The following DCUN1D3 variants were observed in gnomAD, a reference collection of about 807,000 sequenced individuals.
DCUN1D3 encodes the protein defective in cullin neddylation 1 domain containing 3.
A neutral mutation model predicts 24.8 loss-of-function variants in DCUN1D3; 6 were observed. The observed-to-expected ratio is 0.24, with a 90% CI of 0.13 to 0.48. DCUN1D3 has a LOEUF of 0.48. Among genes scored for constraint, DCUN1D3 ranks in the 20% least tolerant of loss-of-function variants. The pLI is 0.99. For synonymous variants in DCUN1D3, 120 were observed against 144.9 expected, an observed-to-expected ratio of 0.83 and a Z score of 1.24; for missense variants, 258 against 379.4, an observed-to-expected ratio of 0.68 and a Z score of 2.66.
In DCUN1D3 at chr16:20,855,873, G is replaced by A. The variant is rs939421464; in HGVS notation, c.*4013C>T. 4.6e-5 allele frequency: 7 copies of A among 152,274 alleles called. No individual in the cohort carries two copies. Among genetic ancestry groups the A allele is most frequent in the East Asian group, 3.9e-4 (2 of 5,176 alleles). The allele number at this position is 152,274 out of a possible 1,614,324, so 9.4% of individuals were successfully genotyped here. On this transcript the variant is annotated 3_prime_UTR_variant, in exon 3 of 3. Transcript: ENST00000324344. The stretch of plus-strand genomic sequence containing the variant: ...AACAACCTTAATAGTCCTTTCAGTC[G>A]TTTAAACAAGATACTGCTGGAGTCC...
Position 20,862,290 on chromosome 16 carries a change from G to C in DCUN1D3, c.249C>G (p.Ala83=). The part of the protein sequence containing the change: ...GDAGRESKSN[A]EESSLQRLEE... ...CCAATCTTTGCAAGGAAGACTCCTC[G>C]GCATTGGACTTGGACTCCCTCCCAG... is the stretch of plus-strand genomic sequence containing the variant. Residue 83 remains alanine (A), a synonymous_variant, in exon 2 of 3, where the codon GCC becomes GCG. Transcript: ENST00000324344. 6.2e-7 allele frequency: 1 copy of C among 1,614,170 alleles called. No individual in the cohort carries two copies. The highest frequency in any genetic ancestry group is 8.5e-7 in the Non-Finnish European group (1 of 1,180,026).
intron 1 of DCUN1D3, among the ~76,000 whole-genome samples, chr16:20,884,942 G>A (rs2081861539): frequency 1.3e-5 from 2 of 149,578 alleles, no homozygotes; most frequent in South Asian, 4.2e-4. Context: ...TAAATTAGGA[G>A]AATAATGTTG....
chr16:20,890,326 G>A (rs2081886623), intron 1 of DCUN1D3, among the ~76,000 whole-genome samples: 2 of 152,084 alleles, frequency 1.3e-5, no homozygotes, highest in Admixed American at 1.3e-4. Context: ...TTGAGGTAAT[G>A]CGTAAGTAAT....
At position 20,867,813 on chromosome 16, in the gene DCUN1D3, C is replaced by T. The variant is rs548974484; in HGVS notation, c.-105-5170G>A. On this transcript the variant is annotated intron_variant, in intron 1 of 2. Transcript: ENST00000324344. ...CTGGCCAGGACTTCCTATCCCTGCA[C>T]TGAGTCACTGGCCCAGGGCTTGTTC... 3.2e-4 allele frequency among the ~76,000 whole-genome samples: 49 copies of T among 152,214 alleles called. 1 individual carries two copies. The highest frequency in any genetic ancestry group is 1.5e-3 in the Admixed American group (23 of 15,286).
rs762135205 is a variant in DCUN1D3, at chr16:20,862,395, A to G, written c.144T>C (p.Gly48=). The change falls in exon 2 of 3, where the codon GGT becomes GGC. Residue 48 remains glycine (G), a synonymous_variant. Coordinates refer to ENST00000324344, the MANE Select transcript of DCUN1D3 (RefSeq NM_173475.4). ...EEQVPPCGKP[G]GDILVNGTKK... The stretch of plus-strand genomic sequence containing the variant: ...TGGTCCCGTTGACGAGGATATCTCC[A>G]CCTGGCTTGCCACAGGGTGGTACCT... 1 of 1,613,654 alleles carries G rather than the reference A, an allele frequency of 6.2e-7. No individual in the cohort carries two copies. Among genetic ancestry groups the G allele is most frequent in the South Asian group, 1.1e-5 (1 of 90,998 alleles).
At chr16:20,894,340 C>T (rs538485290) in intron 1 of DCUN1D3, among the ~76,000 whole-genome samples, 4 of 152,092 alleles carry the variant, frequency 2.6e-5, no homozygotes, top group Non-Finnish European at 4.4e-5. Context: ...TCTCTTGGCC[C>T]AACAGGCAGA....
At chr16:20,867,025 A>T (rs149192359) in intron 1 of DCUN1D3, among the ~76,000 whole-genome samples, 96 of 152,368 alleles carry the variant, frequency 6.3e-4, no homozygotes, top group African/African-American at 2.0e-3. Flanking sequence ...GCTAACAGCT[A>T]ATAATAGCAG....
chr16:20,869,409 G>A (rs914072708), intron 1 of DCUN1D3, among the ~76,000 whole-genome samples: 1 of 152,192 alleles, frequency 6.6e-6, no homozygotes, highest in Admixed American at 6.5e-5. Context: ...GGAGCCTGGG[G>A]CTACATGCTT....
In DCUN1D3 at chr16:20,863,181, T is replaced by C. The variant is rs1419459063; in HGVS notation, c.-105-538A>G. ...CAGGGGCCTAAGCCAAGCAGCAAAA[T>C]GAAATTTGCCTCTGATCTCTCCAGA... On this transcript the variant is annotated intron_variant, in intron 1 of 2. Coordinates refer to ENST00000324344, the MANE Select transcript of DCUN1D3 (RefSeq NM_173475.4). Among the ~76,000 whole-genome samples the C allele has an allele frequency of 2.0e-5, 3 of 152,130 alleles. No homozygotes were observed. The East Asian group carries it at 5.8e-4, about 29-fold the overall frequency.
In DCUN1D3 at chr16:20,860,306, C is replaced by A. The variant is rs778304055; in HGVS notation, c.495G>T (p.Arg165=). 1 of 1,614,172 alleles carries A rather than the reference C, an allele frequency of 6.2e-7. No homozygotes were observed. Among genetic ancestry groups the A allele is most frequent in the Admixed American group, 1.7e-5 (1 of 60,024 alleles). ...SADSIDGICA[R]FPSLLTEAKQ... ...TGGCTTCTGTTAAGAGGCTAGGGAA[C>A]CGTGCACAGATTCCGTCAATGCTGT... The change falls in exon 3 of 3, where the codon CGG becomes CGT. Residue 165 remains arginine, a synonymous_variant. Coordinates refer to ENST00000324344, the MANE Select transcript of DCUN1D3 (RefSeq NM_173475.4). This position sits in a 1 kb window ranked among gnomAD's most constrained non-coding sequence, Gnocchi z 4.3.
chr16:20,892,418 G>T (rs2081896342), intron 1 of DCUN1D3, among the ~76,000 whole-genome samples: 1 of 152,062 alleles, frequency 6.6e-6, no homozygotes, highest in Non-Finnish European at 1.5e-5. Context: ...TAGAGTCCCG[G>T]CACCTTCACT....
In DCUN1D3 at chr16:20,862,036, T is replaced by C. The variant is rs1488096799; in HGVS notation, c.431+72A>G. 7.8e-6 allele frequency: 12 copies of C among 1,536,346 alleles called. No homozygotes were observed. In the East Asian group the frequency reaches 2.7e-4, roughly 35 times the overall value. ...GAAGCCAACCCAGTCCTATCCTAGC[T>C]GGGCACCACTGCCCAATGCTGTTCC... is the stretch of plus-strand genomic sequence containing the variant. On this transcript the variant is annotated intron_variant, in intron 2 of 2. Coordinates refer to ENST00000324344, the MANE Select transcript of DCUN1D3 (RefSeq NM_173475.4).
chr16:20,897,737 G>A (rs987244948), intron 1 of DCUN1D3, among the ~76,000 whole-genome samples: 4 of 152,082 alleles, frequency 2.6e-5, no homozygotes, highest in Non-Finnish European at 4.4e-5. Flanking sequence ...TAAAGAAAGA[G>A]GTGTGTCCTC....
rs748999553 is a variant in DCUN1D3 at position 20,856,154 on chromosome 16, T to TA, written c.*3731dup. 6.6e-6 allele frequency: 1 copy of TA among 152,194 alleles called. No homozygotes were observed. Among genetic ancestry groups the TA allele is most frequent in the South Asian group, 2.1e-4 (1 of 4,824 alleles). 9.4% of individuals were successfully genotyped at this position (152,194 alleles called of 1,614,324 possible). ...TGGAATCTGGCAAACCAAACATTCT[T>TA]AAATACATAGGTTGGTGTAAAAGTA... On this transcript the variant is annotated 3_prime_UTR_variant, in exon 3 of 3. Coordinates refer to ENST00000324344, the MANE Select transcript of DCUN1D3 (RefSeq NM_173475.4).
At chr16:20,896,256 T>C (rs1443807162) in intron 1 of DCUN1D3, 1 of 152,188 alleles carries the variant, frequency 6.6e-6, no homozygotes, top group Non-Finnish European at 1.5e-5. Flanking sequence ...ACCAAAACAG[T>C]AGCAAAATCT....
At chr16:20,874,306 C>T (rs749908061) in intron 1 of DCUN1D3, among the ~76,000 whole-genome samples, 3 of 152,198 alleles carry the variant, frequency 2.0e-5, no homozygotes, top group Non-Finnish European at 4.4e-5. Flanking sequence ...ATTATAACTA[C>T]GTGGACCAGT....
intron 1 of DCUN1D3, among the ~76,000 whole-genome samples, chr16:20,872,749 T>A (rs543305379): frequency 1.3e-5 from 2 of 152,264 alleles, no homozygotes; most frequent in East Asian, 3.9e-4. Flanking sequence ...AAAAAGCCAA[T>A]CACTAATTTC....
intron 1 of DCUN1D3, among the ~76,000 whole-genome samples, chr16:20,882,870 C>T (rs1250234896): frequency 6.6e-6 from 1 of 152,146 alleles, no homozygotes; most frequent in African/African-American, 2.4e-5. Flanking sequence ...TTCAGAAGTA[C>T]CCTATGAATG....
intron 1 of DCUN1D3, among the ~76,000 whole-genome samples, chr16:20,870,370 GA>G (rs1309379079): frequency 1.3e-5 from 2 of 152,164 alleles, no homozygotes; most frequent in Non-Finnish European, 2.9e-5. Context: ...CGAGGGATAG[GA>G]AACACCAGTT....
Sources: gnomAD v4.1 joint callset for allele counts (sites outside exome capture counted in the v4.1 genomes callset) on GRCh38, gnomAD v4.1.1 for gene constraint, Gnocchi (gnomAD v3.1) non-coding constraint, MANE v1.5 for transcripts, NCBI Gene and HGNC (gene_info 2026-07-23, HGNC 2026-07-21) for gene names.